The following P3H2 variants were observed in gnomAD, a reference collection of about 807,000 sequenced individuals.
The protein encoded by P3H2 is leprecan-like 1.
In P3H2, 80 loss-of-function variants were observed where a neutral mutation model predicts 87.0. The observed-to-expected ratio is 0.92, with a 90% CI of 0.77 to 1.11. The LOEUF is 1.11. Among genes scored for constraint, P3H2 ranks in the 50% least tolerant of loss-of-function variants. The probability of loss-of-function intolerance (pLI) is 0.00; values close to 1 mark genes in which losing one functional copy is unlikely to be tolerated. For synonymous variants in P3H2, 367 were observed against 359.3 expected, an observed-to-expected ratio of 1.02 and a Z score of -0.24; for missense variants, 1,001 against 923.9, an observed-to-expected ratio of 1.08 and a Z score of -1.08.
intron 13 of P3H2, among the ~76,000 whole-genome samples, chr3:189,966,163 G>GA (rs1261534276): frequency 6.8e-6 from 1 of 146,932 alleles, no homozygotes; most frequent in Middle Eastern, 3.4e-3. Flanking sequence ...AAGAAAGAAA[G>GA]AAAGAAAGAA....
rs779423721 is a variant in P3H2 at position 189,994,118 on chromosome 3, C to G, written c.799G>C (p.Ala267Pro). 11 of 1,613,036 alleles carry G rather than the reference C, an allele frequency of 6.8e-6. No homozygotes were observed. The highest frequency in any genetic ancestry group is 1.6e-4 in the Middle Eastern group (1 of 6,076). Residue 267 changes from alanine (A) to proline (P), a missense_variant, in exon 3 of 15, where the codon GCT (alanine) becomes CCT (proline). Ala to Pro is a conservative substitution (Grantham distance 27, BLOSUM62 -1). Transcript: ENST00000319332. ...FEEYEYLGYKAGLYEAIADHY... is the reference protein window; with the variant it reads ...FEEYEYLGYKPGLYEAIADHY... ...CCTGCAATAGCTTCATACAGACCAG[C>G]CTTATACCCTAAATACTCATATTCT...
chr3:190,054,758 A>G (rs1014043598), intron 1 of P3H2, among the ~76,000 whole-genome samples: 2 of 152,180 alleles, frequency 1.3e-5, no homozygotes, highest in Non-Finnish European at 2.9e-5. Context: ...GAAAAGACTC[A>G]GGCACTGCCC....
intron 1 of P3H2, among the ~76,000 whole-genome samples, chr3:190,018,417 A>T (rs1472390990): frequency 6.6e-6 from 1 of 152,218 alleles, no homozygotes; most frequent in Non-Finnish European, 1.5e-5. Context: ...ATCAAGGCTT[A>T]GATAAGTAGG....
At position 190,120,644 on chromosome 3, in the gene P3H2, G is replaced by A; in HGVS notation, c.88C>T (p.Pro30Ser). The change falls in exon 1 of 15, where the codon CCA becomes TCA. Residue 30 changes from proline (P) to serine (S), a missense_variant. By Grantham distance (74) the Pro-to-Ser change is moderately conservative. Coordinates refer to ENST00000319332, the MANE Select transcript of P3H2 (RefSeq NM_018192.4). The part of the protein sequence containing the change: ...PPLWGGPPDS[P>S]RRELELEPGP... ...GGCTCCAGCTCCAGCTCCCGGCGTG[G>A]GCTGTCCGGGGGGCCGCCCCACAGT... 6.5e-7 allele frequency: 1 copy of A among 1,527,546 alleles called. No homozygotes were observed. Among genetic ancestry groups the A allele is most frequent in the Non-Finnish European group, 8.7e-7 (1 of 1,144,834 alleles). 94.6% of individuals were successfully genotyped at this position (1,527,546 alleles called of 1,614,324 possible). A position where few individuals can be genotyped will look rare whatever the true frequency, so the allele number is the denominator to read the frequency against.
intron 1 of P3H2, among the ~76,000 whole-genome samples, chr3:190,092,607 A>G (rs995549188): frequency 3.3e-5 from 5 of 152,246 alleles, no homozygotes; most frequent in African/African-American, 1.2e-4. Context: ...GAGAGCTTAC[A>G]GCTGCCTTAT....
At chr3:189,995,558 T>TG in intron 1 of P3H2, 116 bp from the exon 2 acceptor site, 1 of 1,049,924 alleles carries the variant, frequency 9.5e-7, no homozygotes, top group Non-Finnish European at 1.4e-6. Flanking sequence ...GAGCCTTGGT[T>TG]TTTTTTTTTT....
chr3:190,007,965 C>CACACACACACACATATATATATAT, intron 1 of P3H2, among the ~76,000 whole-genome samples: 15 of 94,344 alleles, frequency 1.6e-4, no homozygotes, highest in East Asian at 1.1e-3. Flanking sequence ...TGTTGACACA[C>CACACACACACACATATATATATAT]ATATATATAT....
chr3:190,079,726 C>T (rs892651875), intron 1 of P3H2, among the ~76,000 whole-genome samples: 1 of 151,462 alleles, frequency 6.6e-6, no homozygotes, highest in Admixed American at 6.6e-5. Context: ...CATTGAACCT[C>T]CCCCTTCTTA....
At chr3:190,097,259 ACT>A (rs754543943) in intron 1 of P3H2, among the ~76,000 whole-genome samples, 7 of 152,064 alleles carry the variant, frequency 4.6e-5, no homozygotes, top group African/African-American at 7.3e-5. Flanking sequence ...GCAAGTACTG[ACT>A]CTCACAGATG....
At chr3:190,072,551 A>T (rs1726737485) in intron 1 of P3H2, among the ~76,000 whole-genome samples, 1 of 152,170 alleles carries the variant, frequency 6.6e-6, no homozygotes, top group East Asian at 1.9e-4. Flanking sequence ...GTACTTAAAA[A>T]TTTTAAAAAA....
chr3:190,120,338 C>T lies in P3H2; in HGVS notation c.394G>A (p.Ala132Thr). ...SCETQRLGGP[A>T]SRHRVSEDVR... ...TCCTCGCTGACGCGGTGGCGGGATG[C>T]GGGGCCCCCGAGGCGCTGGGTCTCA... Residue 132 changes from alanine to threonine, a missense_variant, in exon 1 of 15, where the codon GCA becomes ACA. Coordinates refer to ENST00000319332, the MANE Select transcript of P3H2 (RefSeq NM_018192.4). 6.3e-7 allele frequency: 1 copy of T among 1,588,596 alleles called. No homozygotes were observed.
chr3:190,053,621 C>T (rs1049778112), intron 1 of P3H2, among the ~76,000 whole-genome samples: 6 of 151,918 alleles, frequency 3.9e-5, no homozygotes, highest in African/African-American at 1.5e-4. Flanking sequence ...CCATGCCCGG[C>T]TAATTTTTGT....
intron 1 of P3H2, among the ~76,000 whole-genome samples, chr3:190,021,056 T>C (rs1577277617): frequency 7.4e-6 from 1 of 134,708 alleles, no homozygotes; most frequent in African/African-American, 2.6e-5. Context: ...GTAACCATCT[T>C]TGCCTTACAC....
intron 1 of P3H2, among the ~76,000 whole-genome samples, chr3:190,102,182 T>G (rs1431202969): frequency 6.6e-6 from 1 of 152,246 alleles, no homozygotes; most frequent in African/African-American, 2.4e-5. Flanking sequence ...TTTTCCTGCT[T>G]ACTAACATAA....
rs1560341338 is a variant in P3H2 at position 189,970,797 on chromosome 3, C to T, written c.1893+19G>A. On this transcript the variant is annotated intron_variant, in intron 13 of 14. Transcript: ENST00000319332. ...AGCTAAAACATACTAAATAAGTATT[C>T]AAGAATAGGTTTACTTACAGTCACA... is the stretch of plus-strand genomic sequence containing the variant. The T allele has an allele frequency of 1.4e-6, 2 of 1,451,940 alleles. No homozygotes were observed. The highest frequency in any genetic ancestry group is 1.7e-5 in the Admixed American group (1 of 59,780). The allele number at this position is 1,451,940 out of a possible 1,614,324, so 89.9% of individuals were successfully genotyped here.
chr3:189,974,528 G>A (rs1560343781), intron 9 of P3H2, 30 bp downstream of exon 9: 1 of 1,612,596 alleles, frequency 6.2e-7, no homozygotes, highest in Admixed American at 1.7e-5. Context: ...GGCCAGCGCA[G>A]TGAGCTCCCC....
intron 1 of P3H2, among the ~76,000 whole-genome samples, chr3:190,064,936 T>C (rs1019427186): frequency 6.6e-6 from 1 of 152,166 alleles, no homozygotes; most frequent in Non-Finnish European, 1.5e-5. Flanking sequence ...CTGCAGGGGC[T>C]GTTCAGCTAA....
chr3:189,972,280 G>A lies in P3H2; in HGVS notation c.1700-273C>T, dbSNP rs1540816. The stretch of plus-strand genomic sequence containing the variant: ...AAACATACATGAACAAATTCCATGC[G>A]TTTCATGGGTTGTACTTCACATAGG... On this transcript the variant is annotated intron_variant, in intron 11 of 14. Transcript: ENST00000319332. Among the ~76,000 whole-genome samples the A allele has an allele frequency of 0.2, 31,078 of 152,026 alleles. 3,469 individuals are homozygous for A. The highest frequency in any genetic ancestry group is 0.29 in the East Asian group (1,506 of 5,168).
chr3:190,052,039 A>G (rs1029484035), intron 1 of P3H2, among the ~76,000 whole-genome samples: 10 of 152,258 alleles, frequency 6.6e-5, no homozygotes, highest in African/African-American at 2.2e-4. Flanking sequence ...CCTCAAAAAC[A>G]AAGAAAAAAG....
Sources: gnomAD v4.1 joint callset for allele counts (sites outside exome capture counted in the v4.1 genomes callset) on GRCh38, gnomAD v4.1.1 for gene constraint, MANE v1.5 for transcripts, NCBI Gene and HGNC (gene_info 2026-07-23, HGNC 2026-07-21) for gene names.